The following MAGED1 variants were observed in gnomAD, a reference collection of about 807,000 sequenced individuals.
MAGED1 encodes the protein MAGE family member D1.
A neutral mutation model predicts 54.1 loss-of-function variants in MAGED1; 3 were observed. That is an observed-to-expected ratio of 0.06 (90% confidence interval 0.03 to 0.14). The LOEUF (loss-of-function observed/expected upper bound fraction) is 0.14, where lower values mean the gene tolerates loss of function less well. MAGED1 is among the 10% of genes least tolerant of loss of function. The pLI is 1.00. For synonymous variants in MAGED1, 217 were observed against 227.3 expected (o/e 0.95, Z 0.41); for missense variants, 485 against 623.4 (o/e 0.78, Z 2.36).
At chrX:51,804,484 A>G (rs1557354850) in intron 1 of MAGED1, among the ~76,000 whole-genome samples, 1 of 111,901 alleles carries the variant, frequency 8.9e-6, no homozygotes, top group East Asian at 2.8e-4. Flanking sequence ...TAAATATCAC[A>G]CTTGTTTCAA....
At chrX:51,836,733 G>A (rs1381255218) in intron 1 of MAGED1, among the ~76,000 whole-genome samples, 1 of 109,691 alleles carries the variant, frequency 9.1e-6, no homozygotes, top group Non-Finnish European at 1.9e-5. Context: ...ACCTACGCCC[G>A]GCTAGTTTTT....
At chrX:51,824,903 A>C (rs1488411315) in intron 1 of MAGED1, among the ~76,000 whole-genome samples, 5 of 93,015 alleles carry the variant, frequency 5.4e-5, no homozygotes, top group African/African-American at 2.2e-4. Flanking sequence ...TGTGTGTGTA[A>C]AATTTCTGTT....
At chrX:51,851,925 A>G (rs1557359798) in intron 1 of MAGED1, among the ~76,000 whole-genome samples, 1 of 112,095 alleles carries the variant, frequency 8.9e-6, no homozygotes, top group Non-Finnish European at 1.9e-5. Context: ...TGGCAACTAC[A>G]ACTTTACTAC....
chrX:51,886,253 G>T (rs1241134610), intron 1 of MAGED1, among the ~76,000 whole-genome samples: 5 of 110,227 alleles, frequency 4.5e-5, no homozygotes, highest in Non-Finnish European at 9.5e-5. Context: ...TTTATTGTAT[G>T]TTTCAAAATA....
chrX:51,834,827 A>G (rs1460742854), intron 1 of MAGED1, among the ~76,000 whole-genome samples: 4 of 111,943 alleles, frequency 3.6e-5, no homozygotes, highest in Non-Finnish European at 7.5e-5. Flanking sequence ...TATCTTTAAG[A>G]AATATTTCTC....
chrX:51,896,778 C>A lies in MAGED1; in HGVS notation c.1123C>A (p.Gln375Lys). 8.3e-7 allele frequency: 1 copy of A among 1,210,650 alleles called. No individual in the cohort carries two copies. The highest frequency in any genetic ancestry group is 1.1e-6 in the Non-Finnish European group (1 of 894,773). Residue 375 changes from glutamine (Q) to lysine (K), a missense_variant, in exon 4 of 13, where the codon CAG becomes AAG. Physicochemically the swap from Gln to Lys is moderately conservative, Grantham distance 53. Coordinates refer to ENST00000326587, the MANE Select transcript of MAGED1 (RefSeq NM_006986.4). ...PVVWPNPLAW[Q>K]NPPGWQTPPG... is the part of the protein sequence containing the mutation. ...TGTCTGGCCGAATCCACTGGCCTGG[C>A]AGAATCCACCTGGATGGCAGACTCC...
Position 51,872,783 on chromosome X carries a change from C to T in MAGED1, c.-36-21486C>T, listed in dbSNP as rs782492086. 4.5e-5 allele frequency among the ~76,000 whole-genome samples: 5 copies of T among 112,283 alleles called. No individual in the cohort carries two copies. The East Asian group carries it at 1.1e-3, about 25-fold the overall frequency. On this transcript the variant is annotated intron_variant, in intron 1 of 12. Transcript: ENST00000375772. Reference sequence around the variant, plus strand: ...CTTGCGTAAGACACTTCTACCACTACCATGACAGTTTACAAATGCCATGGC... The same window carrying T: ...CTTGCGTAAGACACTTCTACCACTATCATGACAGTTTACAAATGCCATGGC...
intron 1 of MAGED1, among the ~76,000 whole-genome samples, chrX:51,874,474 T>C (rs1014721932): frequency 2.7e-5 from 3 of 111,609 alleles, no homozygotes; most frequent in African/African-American, 9.8e-5. Context: ...AAGGGACTTA[T>C]GCTCTGTTGT....
chrX:51,875,678 C>T (rs1346913068), intron 1 of MAGED1, among the ~76,000 whole-genome samples: 2 of 111,070 alleles, frequency 1.8e-5, no homozygotes, highest in African/African-American at 6.6e-5. Flanking sequence ...TGCCAAGTAT[C>T]ACAAATGAGT....
chrX:51,862,474 C>T lies in MAGED1; in HGVS notation c.-36-31795C>T, dbSNP rs985100830. On this transcript the variant is annotated intron_variant, in intron 1 of 12. Transcript: ENST00000375772. ...CCCTATCCAATCACACCTTCCTGTC[C>T]GCCTCCACCTAGAGATAATACTACC... 7.2e-5 allele frequency among the ~76,000 whole-genome samples: 8 copies of T among 111,069 alleles called. 1 individual carries two copies. In the Middle Eastern group the frequency reaches 0.014, roughly 194 times the overall value.
chrX:51,805,670 G>A (rs1233275899), intron 1 of MAGED1, among the ~76,000 whole-genome samples: 4 of 108,637 alleles, frequency 3.7e-5, no homozygotes, highest in Non-Finnish European at 5.7e-5. Context: ...ACAAGCAGAA[G>A]TTGAAAGAAG....
intron 1 of MAGED1, among the ~76,000 whole-genome samples, chrX:51,835,769 C>T (rs782771090): frequency 1.8e-5 from 2 of 111,371 alleles, no homozygotes; most frequent in South Asian, 7.5e-4. Context: ...CTTCCTCTCC[C>T]GGGACTCTGA....
At chrX:51,894,129 C>T in intron 1 of MAGED1, 140 bp from the exon 2 acceptor site, 1 of 427,923 alleles carries the variant, frequency 2.3e-6, no homozygotes, top group Non-Finnish European at 4.2e-6. Context: ...ATCTGGACGC[C>T]CATTCACTTT....
At chrX:51,865,691 C>G (rs1557361052) in intron 1 of MAGED1, among the ~76,000 whole-genome samples, 1 of 111,375 alleles carries the variant, frequency 9.0e-6, no homozygotes, top group African/African-American at 3.3e-5. Context: ...CAGGGCTCAT[C>G]ATTGACATCA....
chrX:51,832,009 C>T (rs1233966147), intron 1 of MAGED1, among the ~76,000 whole-genome samples: 9 of 111,698 alleles, frequency 8.1e-5, no homozygotes, highest in Non-Finnish European at 1.1e-4. Flanking sequence ...CAATTCCACT[C>T]TGTTAGTTAT....
chrX:51,837,018 A>G (rs1256669545), intron 1 of MAGED1, among the ~76,000 whole-genome samples: 1 of 111,256 alleles, frequency 9.0e-6, no homozygotes, highest in Non-Finnish European at 1.9e-5. Flanking sequence ...TCCTTACCTC[A>G]GGGGATCTGC....
intron 1 of MAGED1, among the ~76,000 whole-genome samples, chrX:51,877,646 G>A (rs1673183302): frequency 9.0e-6 from 1 of 111,359 alleles, no homozygotes; most frequent in Non-Finnish European, 1.9e-5. Context: ...AAGTAGGTAA[G>A]TTCATATGAT....
chrX:51,872,952 G>C (rs1283829112), intron 1 of MAGED1, among the ~76,000 whole-genome samples: 4 of 111,297 alleles, frequency 3.6e-5, no homozygotes, highest in African/African-American at 1.3e-4. Context: ...TGCTACTCTG[G>C]ACCAATCTGC....
intron 1 of MAGED1, among the ~76,000 whole-genome samples, chrX:51,834,463 T>C (rs1484963391): frequency 1.1e-4 from 12 of 112,300 alleles, no homozygotes; most frequent in Non-Finnish European, 5.6e-5. Context: ...TTGGTGTGTG[T>C]TTGTTTGGTA....
Sources: allele counts gnomAD v4.1 joint callset (sites outside exome capture counted in the v4.1 genomes callset), GRCh38; gene constraint gnomAD v4.1.1; transcripts MANE v1.5; gene names NCBI Gene and HGNC (gene_info 2026-07-23, HGNC 2026-07-21).